ABCA9: variants seen among roughly 807,000 people sequenced by gnomAD.
ABCA9 encodes the protein ATP binding cassette subfamily A member 9.
Under a neutral mutation model 205.3 loss-of-function variants are expected in ABCA9, and 183 were observed. The observed-to-expected ratio is 0.89, with a 90% confidence interval of 0.79 to 1.01. ABCA9 has a LOEUF of 1.01. Ranked by LOEUF, ABCA9 falls within the 50% of genes least tolerant of loss-of-function variation. The pLI is 0.00. For synonymous variants in ABCA9, 651 were observed against 683.3 expected (o/e 0.95, Z 0.74); for missense variants, 1,805 against 1,912.4 (o/e 0.94, Z 1.05).
intron 26 of ABCA9, among the ~76,000 whole-genome samples, chr17:68,995,106 A>T (rs1170837557): frequency 1.3e-5 from 2 of 152,194 alleles, no homozygotes; most frequent in Non-Finnish European, 2.9e-5. Context: ...TCGTGTAGTC[A>T]TAGCCAATGG....
At chr17:69,072,257 T>C in the ABCA9 span, among the ~76,000 whole-genome samples, 10 of 152,250 alleles carry the variant, frequency 6.6e-5, no homozygotes, top group South Asian at 1.2e-3. Flanking sequence ...ACCACAAAGA[T>C]ACTCTTCGAG....
At chr17:69,011,791 T>G (rs2070384787) in intron 23 of ABCA9, 185 bp downstream of exon 23, 1 of 475,478 alleles carries the variant, frequency 2.1e-6, no homozygotes, top group Admixed American at 4.0e-5. Flanking sequence ...CTTCCTGAGG[T>G]CTCACATTTG....
the ABCA9 span, chr17:69,078,878 A>T: frequency 1.4e-6 from 1 of 703,466 alleles, no homozygotes; most frequent in Non-Finnish European, 2.2e-6. Flanking sequence ...ACCTGATGTT[A>T]ATTTTAAATG....
Position 69,028,658 on chromosome 17 carries a change from TA to T in ABCA9, c.1505-14del, listed in dbSNP as rs748429638. On this transcript the variant is annotated splice_polypyrimidine_tract_variant and intron_variant, in intron 11 of 38. Transcript: ENST00000340001. ...TCAAACACCACACCTGGCATGATTT[TA>T]AAAAAAATTACACTCAGAGCCTACA... 9.3e-6 allele frequency: 13 copies of T among 1,402,454 alleles called. No homozygotes were observed. Among genetic ancestry groups the T allele is most frequent in the East Asian group, 7.1e-5 (3 of 41,980 alleles). The allele number at this position is 1,402,454 out of a possible 1,614,324, so 86.9% of individuals were successfully genotyped here.
chr17:68,994,381 C>G lies in ABCA9; in HGVS notation c.3556-1297G>C, dbSNP rs150864675. Among the ~76,000 whole-genome samples the G allele has an allele frequency of 1.2e-3, 188 of 152,216 alleles. 5 individuals are homozygous for G. The East Asian group carries it at 0.033, about 27-fold the overall frequency. ...ACTGCTCACATATTCTTTTCTTTGT[C>G]AAATTTGCCTGCCAAGTGTCCAACC... is the stretch of plus-strand genomic sequence containing the variant. On this transcript the variant is annotated intron_variant, in intron 26 of 38. Coordinates refer to ENST00000340001, the MANE Select transcript of ABCA9 (RefSeq NM_080283.4).
intron 6 of ABCA9, among the ~76,000 whole-genome samples, chr17:69,039,085 C>T (rs989902195): frequency 6.6e-6 from 1 of 152,166 alleles, no homozygotes; most frequent in African/African-American, 2.4e-5. Flanking sequence ...AATGGAAAAA[C>T]ATTCCATGCT....
intron 37 of ABCA9, among the ~76,000 whole-genome samples, chr17:68,981,333 AAAAG>A (rs1029934949): frequency 3.9e-5 from 6 of 152,150 alleles, no homozygotes; most frequent in South Asian, 4.1e-4. Flanking sequence ...TGTGAAAAAA[AAAAG>A]AAAAAAGAAA....
intron 25 of ABCA9, among the ~76,000 whole-genome samples, chr17:69,003,194 T>G (rs1480775521): frequency 2.6e-5 from 4 of 152,096 alleles, no homozygotes; most frequent in Admixed American, 2.6e-4. Context: ...CGTTAGTTGA[T>G]GCAGTTTCTT....
intron 37 of ABCA9, among the ~76,000 whole-genome samples, chr17:68,980,936 A>C (rs1160284083): frequency 6.6e-6 from 1 of 152,078 alleles, no homozygotes; most frequent in Non-Finnish European, 1.5e-5. Context: ...ACTAAAAAAA[A>C]AAAAAAGGAA....
intron 21 of ABCA9, among the ~76,000 whole-genome samples, chr17:69,017,082 T>A (rs915355831): frequency 6.6e-6 from 1 of 152,170 alleles, no homozygotes; most frequent in Non-Finnish European, 1.5e-5. Flanking sequence ...ATGAGAACTA[T>A]CTTGAAGGTA....
chr17:68,987,757 TGTTTGTTTG>T (rs1287886101), intron 31 of ABCA9, among the ~76,000 whole-genome samples: 12 of 88,700 alleles, frequency 1.4e-4, no homozygotes, highest in South Asian at 6.9e-4. Context: ...TTTGTTTGTT[TGTTTGTTTG>T]TTTTTTTGTT....
Position 69,016,532 on chromosome 17 carries a change from T to C in ABCA9, c.2902-142A>G, listed in dbSNP as rs73370045. 528 of 713,676 alleles carry C rather than the reference T, an allele frequency of 7.4e-4. 2 individuals are homozygous for C. The African/African-American group carries it at 8.9e-3, about 12-fold the overall frequency. 44.2% of individuals were successfully genotyped at this position (713,676 alleles called of 1,614,324 possible). A position where few individuals can be genotyped will look rare whatever the true frequency, so the allele number is the denominator to read the frequency against. On this transcript the variant is annotated intron_variant, in intron 21 of 38. Coordinates refer to ENST00000340001, the MANE Select transcript of ABCA9 (RefSeq NM_080283.4). ...ATGTGATTAATATCACTATCACTCA[T>C]AATATTTGATTAATTCTTAAGTATA...
In ABCA9 at chr17:69,021,748, C is replaced by T; in HGVS notation, c.2395G>A (p.Glu799Lys). The change falls in exon 18 of 39, where the codon GAA becomes AAA. Residue 799 changes from glutamate (E) to lysine (K), a missense_variant. Physicochemically the swap from Glu to Lys is moderately conservative, Grantham distance 56 (BLOSUM62 1). Coordinates refer to ENST00000340001, the MANE Select transcript of ABCA9 (RefSeq NM_080283.4). ...LKLEGKSTID[E>K]SDIGIWGQLQ... is the part of the protein sequence containing the mutation. Reference sequence around the variant, plus strand: ...CTTTCTTATTTTTTCTTACCTGATTCATCAATAGTTGATTTTCCTTCTAAT... The same window carrying T: ...CTTTCTTATTTTTTCTTACCTGATTTATCAATAGTTGATTTTCCTTCTAAT... 1 of 1,565,166 alleles carries T rather than the reference C, an allele frequency of 6.4e-7. No homozygotes were observed. Among genetic ancestry groups the T allele is most frequent in the Non-Finnish European group, 8.7e-7 (1 of 1,150,976 alleles).
the ABCA9 span, among the ~76,000 whole-genome samples, chr17:69,073,175 A>G: frequency 2.6e-5 from 4 of 152,324 alleles, no homozygotes; most frequent in Middle Eastern, 3.4e-3. Context: ...TGCATTGTCA[A>G]TATTAGACAG....
intron 10 of ABCA9, among the ~76,000 whole-genome samples, chr17:69,031,108 A>T (rs1451227226): frequency 6.6e-6 from 1 of 152,184 alleles, no homozygotes; most frequent in Admixed American, 6.6e-5. Context: ...GTTGCTAGGG[A>T]TAATTTTTCT....
At chr17:68,999,523 T>TC (rs1220160975) in intron 25 of ABCA9, among the ~76,000 whole-genome samples, 1 of 140,242 alleles carries the variant, frequency 7.1e-6, no homozygotes, top group Non-Finnish European at 1.5e-5. Flanking sequence ...ATCCAGTCTA[T>TC]CATTGTTGGA....
chr17:68,992,764 G>A (rs2069492344), intron 27 of ABCA9: 2 of 328,712 alleles, frequency 6.1e-6, no homozygotes, highest in African/African-American at 4.5e-5. Flanking sequence ...GGTGAGCTGA[G>A]ATAGCGCCAT....
At chr17:69,018,922 C>T (rs1405300210) in intron 19 of ABCA9, among the ~76,000 whole-genome samples, 1 of 152,096 alleles carries the variant, frequency 6.6e-6, no homozygotes, top group Admixed American at 6.6e-5. Context: ...TGGCATATCA[C>T]TAACACCCAT....
At chr17:69,006,005 T>C (rs2070112700) in intron 25 of ABCA9, among the ~76,000 whole-genome samples, 1 of 152,282 alleles carries the variant, frequency 6.6e-6, no homozygotes, top group South Asian at 2.1e-4. Context: ...AAATGCCTGT[T>C]AAGTCATTGC....
Sources: allele counts gnomAD v4.1 joint callset (sites outside exome capture counted in the v4.1 genomes callset), GRCh38; gene constraint gnomAD v4.1.1; transcripts MANE v1.5; gene names NCBI Gene and HGNC (gene_info 2026-07-23, HGNC 2026-07-21).